KLHDC8A: variants seen among roughly 807,000 people sequenced by gnomAD.
KLHDC8A encodes kelch domain containing 8A, also known as kelch domain-containing protein 8A.
In KLHDC8A, 21 loss-of-function variants were observed where a neutral mutation model predicts 33.1. The observed-to-expected ratio is 0.64, with a 90% CI of 0.45 to 0.91. The LOEUF (loss-of-function observed/expected upper bound fraction) is 0.91, where lower values mean the gene tolerates loss of function less well. Ranked by LOEUF, KLHDC8A falls within the 40% of genes least tolerant of loss-of-function variation. KLHDC8A has a pLI of 0.00. For missense variants in KLHDC8A, 435 were observed against 483.3 expected, an observed-to-expected ratio of 0.90 and a Z score of 0.94; for synonymous variants, 173 against 193.5, an observed-to-expected ratio of 0.89 and a Z score of 0.88.
chr1:205,353,489 G>A (rs1276962586), intron 1 of KLHDC8A, among the ~76,000 whole-genome samples: 3 of 152,104 alleles, frequency 2.0e-5, no homozygotes, highest in African/African-American at 7.2e-5. Flanking sequence ...TGCACCTTAG[G>A]CTGTTTTAAG....
At chr1:205,340,297 G>T (rs1357942165) in intron 2 of KLHDC8A, among the ~76,000 whole-genome samples, 3 of 152,022 alleles carry the variant, frequency 2.0e-5, no homozygotes, top group Non-Finnish European at 4.4e-5. Flanking sequence ...TTGCAGGTGT[G>T]AGCGACTGTG....
chr1:205,352,205 C>A (rs975618210), intron 1 of KLHDC8A, among the ~76,000 whole-genome samples: 2 of 152,162 alleles, frequency 1.3e-5, no homozygotes, highest in Admixed American at 6.6e-5. Context: ...CCATCCCATG[C>A]CTCTACTCAC....
chr1:205,356,724 G>A lies in KLHDC8A; in HGVS notation c.-381C>T, dbSNP rs2102307859. Reference sequence around the variant, plus strand: ...TGATGAGTCCACTGCTGCTGCCTCTGGCTGATCGACTGGGATGCAGCCAGG... The same window carrying A: ...TGATGAGTCCACTGCTGCTGCCTCTAGCTGATCGACTGGGATGCAGCCAGG... On this transcript the variant is annotated 5_prime_UTR_variant, in exon 1 of 6. Transcript: ENST00000367155. 1 of 387,298 alleles carries A rather than the reference G, an allele frequency of 2.6e-6. No homozygotes were observed. Among genetic ancestry groups the A allele is most frequent in the Admixed American group, 2.9e-5 (1 of 34,880 alleles). The allele number at this position is 387,298 out of a possible 1,614,324, so 24.0% of individuals were successfully genotyped here. A position where few individuals can be genotyped will look rare whatever the true frequency, so the allele number is the denominator to read the frequency against.
In KLHDC8A at chr1:205,347,695, A is replaced by G. The variant is rs149341460; in HGVS notation, c.-189-3902T>C. On this transcript the variant is annotated intron_variant, in intron 1 of 5. Coordinates refer to ENST00000367155, the MANE Select transcript of KLHDC8A (RefSeq NM_018203.3). ...GTGCCACTGCACTCCAGCCCAGGTG[A>G]CACAGCAAGACCCTGTCTCTCTAAA... is the stretch of plus-strand genomic sequence containing the variant. Among the ~76,000 whole-genome samples, 836 of 152,254 alleles carry G rather than the reference A, an allele frequency of 5.5e-3. 8 individuals carry two copies. Among genetic ancestry groups the G allele is most frequent in the African/African-American group, 0.019 (799 of 41,544 alleles).
intron 1 of KLHDC8A, among the ~76,000 whole-genome samples, chr1:205,348,923 G>A (rs1423288523): frequency 1.3e-5 from 2 of 152,180 alleles, no homozygotes; most frequent in Non-Finnish European, 2.9e-5. Context: ...GAACAGCTGT[G>A]CCCTTCCTTT....
intron 2 of KLHDC8A, 43 bp downstream of exon 2, chr1:205,343,186 C>G (rs1276678354): frequency 6.5e-7 from 1 of 1,536,814 alleles, no homozygotes; most frequent in Admixed American, 2.0e-5. Flanking sequence ...CCTGGCCCCC[C>G]ACTTCCTTCT....
At chr1:205,355,753 G>A (rs1190675195) in intron 1 of KLHDC8A, among the ~76,000 whole-genome samples, 1 of 152,132 alleles carries the variant, frequency 6.6e-6, no homozygotes, top group East Asian at 1.9e-4. Flanking sequence ...CCAGAACAGG[G>A]ATGTGACATC....
In KLHDC8A at chr1:205,343,381, G is replaced by T. The variant is rs769979836; in HGVS notation, c.224C>A (p.Thr75Asn). ...LPTARAGVAV[T>N]ALGKRIMVIG... ...CACCATGATCCGCTTCCCCAGGGCG[G>T]TGACGGCCACCCCCGCCCGGGCTGT... The change falls in exon 2 of 6, where the codon ACC becomes AAC. Residue 75 changes from threonine (T) to asparagine (N), a missense_variant. By Grantham distance (65) the Thr-to-Asn change is moderately conservative. Coordinates refer to ENST00000367155, the MANE Select transcript of KLHDC8A (RefSeq NM_018203.3). 6 of 1,613,650 alleles carry T rather than the reference G, an allele frequency of 3.7e-6. No homozygotes were observed. Among genetic ancestry groups the T allele is most frequent in the Non-Finnish European group, 4.2e-6 (5 of 1,179,924 alleles).
chr1:205,338,786 T>C (rs1574905552), intron 4 of KLHDC8A, among the ~76,000 whole-genome samples, 190 bp from the exon 5 acceptor site: 2 of 152,150 alleles, frequency 1.3e-5, no homozygotes, highest in East Asian at 3.9e-4. Flanking sequence ...TCTCCCATGC[T>C]TGCTGCTCTG....
chr1:205,355,374 G>A (rs1663237379), intron 1 of KLHDC8A, among the ~76,000 whole-genome samples: 1 of 152,142 alleles, frequency 6.6e-6, no homozygotes, highest in African/African-American at 2.4e-5. Context: ...GGCTTGGCCT[G>A]AATGCCGCCT....
intron 1 of KLHDC8A, among the ~76,000 whole-genome samples, chr1:205,348,962 A>C (rs1050237041): frequency 1.3e-5 from 2 of 152,178 alleles, no homozygotes; most frequent in African/African-American, 4.8e-5. Context: ...TCCTAACCAG[A>C]AGCATGGTCC....
chr1:205,339,243 G>A lies in KLHDC8A; in HGVS notation c.708C>T (p.Tyr236=). 1 of 1,614,188 alleles carries A rather than the reference G, an allele frequency of 6.2e-7. No homozygotes were observed. The highest frequency in any genetic ancestry group is 8.5e-7 in the Non-Finnish European group (1 of 1,180,010). The stretch of plus-strand genomic sequence containing the variant: ...TCGTCCGCAGGAACTTGGGCTGCCG[G>A]TAGAGGCGACCTTGCCGCAGGCCTC... The part of the protein sequence containing the change: ...SLGGLRQGRL[Y]RQPKFLRTMD... Residue 236 remains tyrosine (Y), a synonymous_variant, in exon 4 of 6, where the codon TAC becomes TAT. Coordinates refer to ENST00000367155, the MANE Select transcript of KLHDC8A (RefSeq NM_018203.3). The surrounding 1 kb of genome is among the most constrained non-coding windows in gnomAD (Gnocchi z 5.1).
intron 2 of KLHDC8A, among the ~76,000 whole-genome samples, chr1:205,340,134 C>T (rs1662752551): frequency 6.6e-6 from 1 of 152,156 alleles, no homozygotes; most frequent in South Asian, 2.1e-4. Flanking sequence ...CCCATCTCAG[C>T]CTCCCAAGTA....
chr1:205,340,785 G>A (rs1022678291), intron 2 of KLHDC8A, among the ~76,000 whole-genome samples: 2 of 152,184 alleles, frequency 1.3e-5, no homozygotes, highest in Admixed American at 6.5e-5. Context: ...TCAATGAGTA[G>A]AGATATTCTT....
intron 2 of KLHDC8A, among the ~76,000 whole-genome samples, chr1:205,342,963 G>C (rs1310186689): frequency 6.6e-6 from 1 of 152,128 alleles, no homozygotes; most frequent in African/African-American, 2.4e-5. Flanking sequence ...CTCTCAGTGG[G>C]GCCTGGTGAC....
Position 205,339,827 on chromosome 1 carries a change from C to A in KLHDC8A, c.377-19G>T, listed in dbSNP as rs749034938. ...CGGTAATCTAAGAAGAAAGGCCATACATGCCCCTGGCTTAGCTCACAGGTA... is the reference window on the plus strand; with the variant it reads ...CGGTAATCTAAGAAGAAAGGCCATAAATGCCCCTGGCTTAGCTCACAGGTA... On this transcript the variant is annotated intron_variant, in intron 2 of 5. Transcript: ENST00000367155. The surrounding 1 kb of genome is among the most constrained non-coding windows in gnomAD (Gnocchi z 5.1). 6.2e-7 allele frequency: 1 copy of A among 1,610,336 alleles called. No individual in the cohort carries two copies. The highest frequency in any genetic ancestry group is 1.1e-5 in the South Asian group (1 of 90,756).
chr1:205,337,662 A>G (rs897861608), intron 5 of KLHDC8A, 70 bp from the exon 6 acceptor site: 146 of 1,180,484 alleles, frequency 1.2e-4, no homozygotes, highest in Non-Finnish European at 1.7e-4. Flanking sequence ...CGGTCACCCC[A>G]CCTCCCTCCC....
intron 1 of KLHDC8A, among the ~76,000 whole-genome samples, chr1:205,350,255 T>C (rs1663060885): frequency 6.6e-6 from 1 of 151,818 alleles, no homozygotes; most frequent in Non-Finnish European, 1.5e-5. Flanking sequence ...GGGGGTGCCT[T>C]GTGACAGCTG....
At chr1:205,351,788 G>A (rs973825959) in intron 1 of KLHDC8A, among the ~76,000 whole-genome samples, 23 of 151,778 alleles carry the variant, frequency 1.5e-4, no homozygotes, top group African/African-American at 4.4e-4. Flanking sequence ...GGATGGTGGC[G>A]CATGCCTGTA....
Sources: allele counts gnomAD v4.1 joint callset (sites outside exome capture counted in the v4.1 genomes callset), GRCh38; gene constraint gnomAD v4.1.1; non-coding constraint Gnocchi (gnomAD v3.1); transcripts MANE v1.5; gene names NCBI Gene and HGNC (gene_info 2026-07-23, HGNC 2026-07-21).